The following DNER variants were observed in gnomAD, a reference collection of about 807,000 sequenced individuals.
DNER encodes the protein delta/notch like EGF repeat containing.
A neutral mutation model predicts 78.2 loss-of-function variants in DNER; 33 were observed. That is an observed-to-expected ratio of 0.42 (90% CI 0.32 to 0.56). The LOEUF is 0.56. Among genes scored for constraint, DNER ranks in the 20% least tolerant of loss-of-function variants. The pLI is 0.11. For missense variants in DNER, 918 were observed against 975.3 expected (o/e 0.94, Z 0.78); for synonymous variants, 417 against 384.8 (o/e 1.08, Z -0.98).
At chr2:229,581,943 A>G (rs77843923) in intron 4 of DNER, among the ~76,000 whole-genome samples, 1,896 of 152,248 alleles carry the variant, frequency 0.012, 37 homozygotes, top group Middle Eastern at 0.051. Context: ...ATGTATGTGC[A>G]AACTATTGAG....
chr2:229,453,920 T>TAAAAAAAAA (rs10602558), intron 7 of DNER, among the ~76,000 whole-genome samples: 18 of 106,870 alleles, frequency 1.7e-4, no homozygotes, highest in Non-Finnish European at 2.5e-4. Context: ...TAAAATATAT[T>TAAAAAAAAA]AAAAAAAAAA....
chr2:229,634,261 C>A (rs1559189998), intron 1 of DNER, among the ~76,000 whole-genome samples: 1 of 151,820 alleles, frequency 6.6e-6, no homozygotes, highest in South Asian at 2.1e-4. Flanking sequence ...TTCTTTCCTT[C>A]CTTCCTTCCT....
At chr2:229,650,940 T>C (rs1245905833) in intron 1 of DNER, among the ~76,000 whole-genome samples, 1 of 152,166 alleles carries the variant, frequency 6.6e-6, no homozygotes, top group African/African-American at 2.4e-5. Flanking sequence ...CATGTCAGTT[T>C]TGCTTGCCTC....
At position 229,491,316 on chromosome 2, in the gene DNER, G is replaced by C. The variant is rs181066764; in HGVS notation, c.1148-14063C>G. 2.4e-4 allele frequency among the ~76,000 whole-genome samples: 37 copies of C among 152,252 alleles called. No homozygotes were observed. In the East Asian group the frequency reaches 6.8e-3, roughly 28 times the overall value. On this transcript the variant is annotated intron_variant, in intron 6 of 12. Coordinates refer to ENST00000341772, the MANE Select transcript of DNER (RefSeq NM_139072.4). ...GGTGAGGGCCCATTCCTCATAGACGGCACCTTCGAGATGCCCTCACATGGC... is the reference window on the plus strand; with the variant it reads ...GGTGAGGGCCCATTCCTCATAGACGCCACCTTCGAGATGCCCTCACATGGC...
intron 7 of DNER, among the ~76,000 whole-genome samples, chr2:229,463,131 C>T (rs1694736703): frequency 6.6e-6 from 1 of 152,050 alleles, no homozygotes; most frequent in Non-Finnish European, 1.5e-5. Context: ...AATAAGACCA[C>T]AGGCTTCCTG....
At chr2:229,386,291 C>G (rs1408210432) in intron 11 of DNER, among the ~76,000 whole-genome samples, 2 of 152,152 alleles carry the variant, frequency 1.3e-5, no homozygotes, top group Non-Finnish European at 2.9e-5. Flanking sequence ...AAACTGGACC[C>G]CTTCCTTACA....
intron 1 of DNER, among the ~76,000 whole-genome samples, chr2:229,696,716 G>T (rs1444541711): frequency 6.6e-6 from 1 of 152,178 alleles, no homozygotes; most frequent in Non-Finnish European, 1.5e-5. Flanking sequence ...AGGAGGCTGG[G>T]CCTTACATGA....
intron 4 of DNER, among the ~76,000 whole-genome samples, chr2:229,556,259 C>T (rs545322169): frequency 3.3e-5 from 5 of 152,350 alleles, no homozygotes; most frequent in East Asian, 3.9e-4. Flanking sequence ...AGATAAGTCA[C>T]GCTTGGTTTC....
At chr2:229,669,369 CAT>C (rs58371383) in intron 1 of DNER, among the ~76,000 whole-genome samples, 2,649 of 144,580 alleles carry the variant, frequency 0.018, 55 homozygotes, top group African/African-American at 0.051. Context: ...TGTATACATA[CAT>C]ATATATATAT....
At chr2:229,627,290 A>AC (rs1698361610) in intron 1 of DNER, among the ~76,000 whole-genome samples, 1 of 152,152 alleles carries the variant, frequency 6.6e-6, no homozygotes, top group Non-Finnish European at 1.5e-5. Context: ...AACACACATC[A>AC]CCCTGTATTT....
intron 6 of DNER, among the ~76,000 whole-genome samples, chr2:229,506,091 G>C (rs1365512693): frequency 6.6e-6 from 1 of 152,080 alleles, no homozygotes; most frequent in Non-Finnish European, 1.5e-5. Context: ...AACTGTTTTG[G>C]GGTTGTATTA....
At chr2:229,574,352 G>C (rs1000756255) in intron 4 of DNER, among the ~76,000 whole-genome samples, 1 of 152,242 alleles carries the variant, frequency 6.6e-6, no homozygotes, top group Middle Eastern at 3.4e-3. Flanking sequence ...AACGAATTGT[G>C]TAACGATAGC....
At chr2:229,713,991 G>A (rs1042127072) in intron 1 of DNER, among the ~76,000 whole-genome samples, 157 bp downstream of exon 1, 2 of 152,162 alleles carry the variant, frequency 1.3e-5, no homozygotes, top group African/African-American at 2.4e-5. Context: ...CCGGGGGTCC[G>A]CGTCCACGCG....
chr2:229,597,276 A>T (rs1269750678), intron 1 of DNER, among the ~76,000 whole-genome samples: 1 of 152,224 alleles, frequency 6.6e-6, no homozygotes, highest in Non-Finnish European at 1.5e-5. Context: ...AACTCTTCAG[A>T]CTAGTTTTAT....
intron 12 of DNER, among the ~76,000 whole-genome samples, chr2:229,361,785 A>T (rs1047903498): frequency 6.6e-6 from 1 of 151,912 alleles, no homozygotes; most frequent in Admixed American, 6.6e-5. Context: ...TGAATACTGT[A>T]TTGAGACTGA....
At chr2:229,635,328 G>C (rs374323295) in intron 1 of DNER, among the ~76,000 whole-genome samples, 2 of 135,514 alleles carry the variant, frequency 1.5e-5, no homozygotes, top group African/African-American at 5.7e-5. Context: ...TTCTGACCAC[G>C]GCCCTTTCTA....
chr2:229,709,980 C>T (rs990311797), intron 1 of DNER, among the ~76,000 whole-genome samples: 1 of 152,166 alleles, frequency 6.6e-6, no homozygotes, highest in Non-Finnish European at 1.5e-5. Context: ...CCAAATGAAC[C>T]AGAACAAGCA....
At chr2:229,437,849 T>G (rs980371009) in intron 8 of DNER, among the ~76,000 whole-genome samples, 2 of 152,138 alleles carry the variant, frequency 1.3e-5, no homozygotes, top group South Asian at 2.1e-4. Context: ...TGACATATAA[T>G]CATCAATGCA....
At chr2:229,557,494 T>G (rs1381780449) in intron 4 of DNER, among the ~76,000 whole-genome samples, 1 of 152,166 alleles carries the variant, frequency 6.6e-6, no homozygotes, top group Non-Finnish European at 1.5e-5. Context: ...GGAATGGGCT[T>G]TTGTCAACAC....
Sources: allele counts gnomAD v4.1 joint callset (sites outside exome capture counted in the v4.1 genomes callset), GRCh38; gene constraint gnomAD v4.1.1; transcripts MANE v1.5; gene names NCBI Gene and HGNC (gene_info 2026-07-23, HGNC 2026-07-21).